Variants in SPATA18 observed in about 807,000 individuals in gnomAD.
The protein encoded by SPATA18 is mitochondria-eating protein.
SPATA18 carries 54 observed loss-of-function variants against 68.1 expected under a neutral mutation model. That is an observed-to-expected ratio of 0.79 (90% CI 0.64 to 0.99). SPATA18 has a LOEUF of 0.99. SPATA18 is among the 50% of genes least tolerant of loss of function. SPATA18 has a pLI of 0.00. For synonymous variants in SPATA18, 242 were observed against 244.8 expected, an observed-to-expected ratio of 0.99 and a Z score of 0.11; for missense variants, 724 against 681.1, an observed-to-expected ratio of 1.06 and a Z score of -0.70.
intron 3 of SPATA18, among the ~76,000 whole-genome samples, chr4:52,061,381 TA>T (rs1175856644): frequency 6.6e-6 from 1 of 151,754 alleles, no homozygotes; most frequent in African/African-American, 2.4e-5. Context: ...ATGTGGGGCT[TA>T]AAACCTAGGT....
chr4:52,055,412 T>C (rs755520140), intron 1 of SPATA18, among the ~76,000 whole-genome samples: 2 of 152,206 alleles, frequency 1.3e-5, no homozygotes, highest in Non-Finnish European at 2.9e-5. Context: ...AGGCAAGGCA[T>C]TGTCCCCTAG....
intron 4 of SPATA18, among the ~76,000 whole-genome samples, chr4:52,066,172 A>G (rs894851402): frequency 6.6e-6 from 1 of 152,010 alleles, no homozygotes; most frequent in Non-Finnish European, 1.5e-5. Context: ...TTGTTTTGAG[A>G]CAGAGTCTCG....
At position 52,095,761 on chromosome 4, in the gene SPATA18, A is replaced by T. The variant is rs1209908174; in HGVS notation, c.*874A>T. On this transcript the variant is annotated 3_prime_UTR_variant, in exon 13 of 13. Coordinates refer to ENST00000295213, the MANE Select transcript of SPATA18 (RefSeq NM_145263.4). ...ATTTGCAAATTCAGACCTCCTATTG[A>T]ACTCTGTCTGACCAAAACTACTTAA... 6.6e-6 allele frequency: 1 copy of T among 152,154 alleles called. No individual in the cohort carries two copies. The highest frequency in any genetic ancestry group is 2.4e-5 in the African/African-American group (1 of 41,438). The allele number at this position is 152,154 out of a possible 1,614,324, so 9.4% of individuals were successfully genotyped here.
intron 4 of SPATA18, among the ~76,000 whole-genome samples, chr4:52,066,985 A>G (rs956293128): frequency 2.0e-5 from 3 of 152,182 alleles, no homozygotes; most frequent in Admixed American, 6.5e-5. Flanking sequence ...TATCAATAAT[A>G]GAATTATTTA....
intron 1 of SPATA18, among the ~76,000 whole-genome samples, chr4:52,054,003 C>G (rs1285557047): frequency 6.6e-6 from 1 of 152,202 alleles, no homozygotes; most frequent in Non-Finnish European, 1.5e-5. Context: ...TACTCTCTCC[C>G]TTGCTCAGCC....
intron 11 of SPATA18, among the ~76,000 whole-genome samples, chr4:52,091,251 G>A (rs1336127595): frequency 1.3e-5 from 2 of 152,008 alleles, no homozygotes; most frequent in African/African-American, 2.4e-5. Context: ...TTAGCTTGGA[G>A]TTGTTTGTTA....
chr4:52,067,595 G>C (rs2109441715), intron 4 of SPATA18, among the ~76,000 whole-genome samples: 1 of 152,122 alleles, frequency 6.6e-6, no homozygotes, highest in East Asian at 1.9e-4. Flanking sequence ...TGCATGCCTG[G>C]CTCTTTATTA....
intron 10 of SPATA18, chr4:52,082,896 G>A (rs11133339): frequency 0.96 from 950,187 of 985,234 alleles, 465,734 homozygotes; most frequent in East Asian, 1. Context: ...TTTTACTGAC[G>A]ATTTTCTGTT....
intron 6 of SPATA18, among the ~76,000 whole-genome samples, chr4:52,075,226 C>G (rs1439994124): frequency 6.6e-6 from 1 of 152,070 alleles, no homozygotes; most frequent in Non-Finnish European, 1.5e-5. Flanking sequence ...ATTTTCTTCT[C>G]TAGTGTCCTG....
At position 52,082,475 on chromosome 4, in the gene SPATA18, A is replaced by T; in HGVS notation, c.1444A>T (p.Met482Leu). ...PALMENDCVI[M>L]KGEAVTRRGA... ...TCTCATGGAGAATGACTGTGTCATTATGAAGGGAGAAGCTGTCACCAGGAG... is the reference window on the plus strand; with the variant it reads ...TCTCATGGAGAATGACTGTGTCATTTTGAAGGGAGAAGCTGTCACCAGGAG... Residue 482 changes from methionine (M) to leucine (L), a missense_variant, in exon 10 of 13, where the codon ATG becomes TTG. By Grantham distance (15) the Met-to-Leu change is conservative. Coordinates refer to ENST00000295213, the MANE Select transcript of SPATA18 (RefSeq NM_145263.4). 1 of 1,614,168 alleles carries T rather than the reference A, an allele frequency of 6.2e-7. No homozygotes were observed. The highest frequency in any genetic ancestry group is 8.5e-7 in the Non-Finnish European group (1 of 1,180,006).
At chr4:52,092,786 A>G (rs1399676699) in intron 11 of SPATA18, among the ~76,000 whole-genome samples, 3 of 152,170 alleles carry the variant, frequency 2.0e-5, no homozygotes, top group Non-Finnish European at 4.4e-5. Context: ...TGACAAAAAC[A>G]TGTTATCTTC....
intron 11 of SPATA18, 86 bp downstream of exon 11, chr4:52,085,085 AT>A: frequency 9.4e-7 from 1 of 1,065,238 alleles, no homozygotes; most frequent in Non-Finnish European, 1.4e-6. Context: ...AAAAGAGGTG[AT>A]TATAAGTCTA....
intron 11 of SPATA18, among the ~76,000 whole-genome samples, chr4:52,086,562 A>T (rs891667706): frequency 4.6e-5 from 7 of 152,218 alleles, no homozygotes; most frequent in Non-Finnish European, 8.8e-5. Context: ...GATGGCTTCC[A>T]GCTTCATCAA....
Position 52,078,790 on chromosome 4 carries a change from A to C in SPATA18, c.1076A>C (p.Lys359Thr). Reference protein sequence around the residue: ...AFRHFKIHVRKSLTPSYVGSN... With the variant: ...AFRHFKIHVRTSLTPSYVGSN... ...AGACACTTCAAGATCCATGTGAGAA[A>C]ATCGTTGACACCATCTTATGTGGGG... Residue 359 changes from lysine to threonine, a missense_variant, in exon 8 of 13, where the codon AAA becomes ACA. By Grantham distance (78) the Lys-to-Thr change is moderately conservative. Coordinates refer to ENST00000295213, the MANE Select transcript of SPATA18 (RefSeq NM_145263.4). The C allele has an allele frequency of 6.2e-7, 1 of 1,606,876 alleles. No individual in the cohort carries two copies. Among genetic ancestry groups the C allele is most frequent in the Non-Finnish European group, 8.5e-7 (1 of 1,174,230 alleles).
In SPATA18 at chr4:52,083,290, T is replaced by C; in HGVS notation, c.1479+780T>C. On this transcript the variant is annotated intron_variant, in intron 10 of 12. Coordinates refer to ENST00000295213, the MANE Select transcript of SPATA18 (RefSeq NM_145263.4). ...ATGCCCACAGCTGGCTGATCTCTGT[T>C]CCTGTTCTCCTTGAACTGAAGAATA... 3.0e-6 allele frequency: 3 copies of C among 985,400 alleles called. No individual in the cohort carries two copies. In the East Asian group the frequency reaches 3.4e-4, roughly 112 times the overall value. The allele number at this position is 985,400 out of a possible 1,614,324, so 61.0% of individuals were successfully genotyped here.
chr4:52,077,721 G>A (rs1346752027), intron 7 of SPATA18, among the ~76,000 whole-genome samples: 1 of 152,140 alleles, frequency 6.6e-6, no homozygotes. Flanking sequence ...TGAGAAGGCT[G>A]TGATTGTATT....
intron 4 of SPATA18, among the ~76,000 whole-genome samples, chr4:52,068,508 GAA>G (rs1343805551): frequency 2.4e-4 from 36 of 152,252 alleles, no homozygotes; most frequent in African/African-American, 8.0e-4. Context: ...ATACTATGTG[GAA>G]GGCCCTTGCC....
chr4:52,053,892 A>G (rs542385474), intron 1 of SPATA18, among the ~76,000 whole-genome samples: 1 of 152,220 alleles, frequency 6.6e-6, no homozygotes, highest in South Asian at 2.1e-4. Context: ...TTTGCAAGAC[A>G]CTCCAAATTT....
chr4:52,052,489 C>A (rs1322789519), intron 1 of SPATA18, among the ~76,000 whole-genome samples: 1 of 152,112 alleles, frequency 6.6e-6, no homozygotes, highest in Non-Finnish European at 1.5e-5. Context: ...TCCCCCCTTC[C>A]CCCAAATAGA....
Sources: allele counts gnomAD v4.1 joint callset (sites outside exome capture counted in the v4.1 genomes callset), GRCh38; gene constraint gnomAD v4.1.1; transcripts MANE v1.5; gene names NCBI Gene and HGNC (gene_info 2026-07-23, HGNC 2026-07-21).